The following LRRC10 variants were observed in gnomAD, a reference collection of about 807,000 sequenced individuals.
LRRC10 encodes leucine rich repeat containing 10.
A neutral mutation model predicts 11.1 loss-of-function variants in LRRC10; 6 were observed. The observed-to-expected ratio is 0.54, with a 90% confidence interval of 0.30 to 1.07. LRRC10 has a LOEUF of 1.07. Ranked by LOEUF, LRRC10 falls within the 50% of genes least tolerant of loss-of-function variation. LRRC10 has a pLI of 0.07. For synonymous variants in LRRC10, 145 were observed against 153.6 expected (o/e 0.94, Z 0.41); for missense variants, 320 against 355.5 (o/e 0.90, Z 0.80).
At position 69,610,068 on chromosome 12, in the gene LRRC10, C is replaced by A. The variant is rs1414167997; in HGVS notation, c.771G>T (p.Leu257Phe). ...PDPRKARRYA[L>F]VREESQELQA... ...GTAGCTCCTGGCTTTCCTCTCTGAC[C>A]AACGCATAGCGCCTGGCTTTTCTAG... The change falls in exon 1 of 1, where the codon TTG becomes TTT. Residue 257 changes from leucine to phenylalanine, a missense_variant. Coordinates refer to ENST00000361484, the MANE Select transcript of LRRC10 (RefSeq NM_201550.4). The A allele has an allele frequency of 1.2e-6, 2 of 1,614,210 alleles. No individual in the cohort carries two copies. The highest frequency in any genetic ancestry group is 1.7e-6 in the Non-Finnish European group (2 of 1,180,048).
In LRRC10 at chr12:69,609,933, T is replaced by A; in HGVS notation, c.*72A>T. On this transcript the variant is annotated 3_prime_UTR_variant, in exon 1 of 1. Transcript: ENST00000361484. ...TCCCAAATGACCCAGAGCCATCCTT[T>A]CCACTCCAATGGAGAGGCTTCCAGA... The A allele has an allele frequency of 6.9e-7, 1 of 1,457,336 alleles. No homozygotes were observed. Among genetic ancestry groups the A allele is most frequent in the Non-Finnish European group, 9.4e-7 (1 of 1,062,850 alleles). 90.3% of individuals were successfully genotyped at this position (1,457,336 alleles called of 1,614,324 possible).
In LRRC10 at chr12:69,609,414, G is replaced by A. The variant is rs1456714755; in HGVS notation, c.*591C>T. ...GTCCACCAAGAAGTATTGTCCATCA[G>A]GGATCTTTTCAGCAGGCACTAAACT... On this transcript the variant is annotated 3_prime_UTR_variant, in exon 1 of 1. Transcript: ENST00000361484. The A allele has an allele frequency of 1.3e-5, 2 of 152,542 alleles. No individual in the cohort carries two copies. The highest frequency in any genetic ancestry group is 1.3e-4 in the Admixed American group (2 of 15,332). The allele number at this position is 152,542 out of a possible 1,614,324, so 9.4% of individuals were successfully genotyped here. A position where few individuals can be genotyped will look rare whatever the true frequency, so the allele number is the denominator to read the frequency against.
rs1162588162 is a variant in LRRC10 at position 69,610,842 on chromosome 12, G to A, written c.-4C>T. On this transcript the variant is annotated 5_prime_UTR_variant, in exon 1 of 1. Transcript: ENST00000361484. ...GGGCCCTGATGGTGTTCCCCATGCG[G>A]AGGCTGGGGGCATGGCGAGCCCCAG... 1.3e-6 allele frequency: 2 copies of A among 1,581,676 alleles called. No individual in the cohort carries two copies. Among genetic ancestry groups the A allele is most frequent in the Non-Finnish European group, 1.7e-6 (2 of 1,162,778 alleles).
Position 69,610,090 on chromosome 12 carries a change from C to G in LRRC10, c.749G>C (p.Arg250Thr). The change falls in exon 1 of 1, where the codon AGA (arginine) becomes ACA (threonine). Residue 250 changes from arginine (R) to threonine (T), a missense_variant. Transcript: ENST00000361484. Reference protein sequence around the residue: ...WAEETPEPDPRKARRYALVRE... With the variant: ...WAEETPEPDPTKARRYALVRE... ...GACCAACGCATAGCGCCTGGCTTTT[C>G]TAGGGTCGGGCTCTGGCGTCTCCTC... 6.2e-7 allele frequency: 1 copy of G among 1,614,242 alleles called. No individual in the cohort carries two copies. The highest frequency in any genetic ancestry group is 8.5e-7 in the Non-Finnish European group (1 of 1,180,038).
Position 69,610,291 on chromosome 12 carries a change from G to A in LRRC10, c.548C>T (p.Pro183Leu). The A allele has an allele frequency of 3.1e-6, 5 of 1,613,112 alleles. No homozygotes were observed. The highest frequency in any genetic ancestry group is 4.2e-6 in the Non-Finnish European group (5 of 1,179,144). ...WLSGNRLTDF[P>L]TVLLHMPFLE... ...GAAGGGCATGTGAAGCAGCACAGTGGGAAAGTCAGTTAGCCGGTTGCCCGA... is the reference window on the plus strand; with the variant it reads ...GAAGGGCATGTGAAGCAGCACAGTGAGAAAGTCAGTTAGCCGGTTGCCCGA... The change falls in exon 1 of 1, where the codon CCC becomes CTC. Residue 183 changes from proline to leucine, a missense_variant. Coordinates refer to ENST00000361484, the MANE Select transcript of LRRC10 (RefSeq NM_201550.4).
Position 69,610,212 on chromosome 12 carries a change from C to A in LRRC10, c.627G>T (p.Ala209=). 2 of 1,614,232 alleles carry A rather than the reference C, an allele frequency of 1.2e-6. No individual in the cohort carries two copies. Among genetic ancestry groups the A allele is most frequent in the South Asian group, 1.1e-5 (1 of 91,088 alleles). The change falls in exon 1 of 1, where the codon GCG becomes GCT. Residue 209 remains alanine, a synonymous_variant. Coordinates refer to ENST00000361484, the MANE Select transcript of LRRC10 (RefSeq NM_201550.4). ...WNSIRYFPSL[A]HLSSLKLVIY... ...TGACCAGCTTCAGACTTGACAGGTGCGCCAGGCTGGGGAAGTAACGGATGC... is the reference window on the plus strand; with the variant it reads ...TGACCAGCTTCAGACTTGACAGGTGAGCCAGGCTGGGGAAGTAACGGATGC...
In LRRC10 at chr12:69,608,573, A is replaced by G. The variant is rs1040948747; in HGVS notation, c.*1432T>C. ...TACCCACTGACAACAATTTCTTTAAAGTTTATATATTTGTGGGAAGGTCAC... is the reference window on the plus strand; with the variant it reads ...TACCCACTGACAACAATTTCTTTAAGGTTTATATATTTGTGGGAAGGTCAC... On this transcript the variant is annotated 3_prime_UTR_variant, in exon 1 of 1. Coordinates refer to ENST00000361484, the MANE Select transcript of LRRC10 (RefSeq NM_201550.4). 1 of 152,264 alleles carries G rather than the reference A, an allele frequency of 6.6e-6. No individual in the cohort carries two copies. Among genetic ancestry groups the G allele is most frequent in the Non-Finnish European group, 1.5e-5 (1 of 68,048 alleles). 9.4% of individuals were successfully genotyped at this position (152,264 alleles called of 1,614,324 possible). A position where few individuals can be genotyped will look rare whatever the true frequency, so the allele number is the denominator to read the frequency against.
Position 69,610,481 on chromosome 12 carries a change from G to A in LRRC10, c.358C>T (p.Leu120Phe). The A allele has an allele frequency of 6.2e-7, 1 of 1,614,208 alleles. No individual in the cohort carries two copies. The highest frequency in any genetic ancestry group is 1.1e-5 in the South Asian group (1 of 91,084). ...LCDLPSELSL[L>F]QNLRTLWIEA... The stretch of plus-strand genomic sequence containing the variant: ...ATCCACAGGGTCCTGAGGTTCTGGA[G>A]CAGGCTCAGCTCACTGGGGAGGTCG... Residue 120 changes from leucine (L) to phenylalanine (F), a missense_variant, in exon 1 of 1, where the codon CTC becomes TTC. Leu to Phe is a conservative substitution (Grantham distance 22, BLOSUM62 0). Transcript: ENST00000361484.
chr12:69,610,231 C>G lies in LRRC10; in HGVS notation c.608G>C (p.Arg203Pro), dbSNP rs766586554. 1 of 1,614,204 alleles carries G rather than the reference C, an allele frequency of 6.2e-7. No homozygotes were observed. The highest frequency in any genetic ancestry group is 8.5e-7 in the Non-Finnish European group (1 of 1,180,044). The change falls in exon 1 of 1, where the codon CGT becomes CCT. Residue 203 changes from arginine to proline, a missense_variant. By Grantham distance (103) the Arg-to-Pro change is moderately radical (BLOSUM62 -2). Coordinates refer to ENST00000361484, the MANE Select transcript of LRRC10 (RefSeq NM_201550.4). ...CAGGTGCGCCAGGCTGGGGAAGTAA[C>G]GGATGCTGTTCCAGTCCACATCAAT... ...EVIDVDWNSI[R>P]YFPSLAHLSS...
rs1377003725 is a variant in LRRC10, at chr12:69,609,956, A to G, written c.*49T>C. 6.4e-7 allele frequency: 1 copy of G among 1,567,706 alleles called. No homozygotes were observed. Among genetic ancestry groups the G allele is most frequent in the East Asian group, 2.2e-5 (1 of 44,560 alleles). On this transcript the variant is annotated 3_prime_UTR_variant, in exon 1 of 1. Coordinates refer to ENST00000361484, the MANE Select transcript of LRRC10 (RefSeq NM_201550.4). ...TTTCCACTCCAATGGAGAGGCTTCCAGAACATGCTGCAGTTGGGTCCTTGG... is the reference window on the plus strand; with the variant it reads ...TTTCCACTCCAATGGAGAGGCTTCCGGAACATGCTGCAGTTGGGTCCTTGG...
In LRRC10 at chr12:69,609,868, C is replaced by T. The variant is rs779415816; in HGVS notation, c.*137G>A. On this transcript the variant is annotated 3_prime_UTR_variant, in exon 1 of 1. Coordinates refer to ENST00000361484, the MANE Select transcript of LRRC10 (RefSeq NM_201550.4). ...TTTTCTCAGTGTGATTTATGGCATT[C>T]CACCTGGCTCTCTCCATCAGTCTCT... The T allele has an allele frequency of 5.1e-5, 38 of 741,422 alleles. No individual in the cohort carries two copies. The highest frequency in any genetic ancestry group is 7.4e-5 in the Non-Finnish European group (34 of 457,386). The allele number at this position is 741,422 out of a possible 1,614,324, so 45.9% of individuals were successfully genotyped here.
At position 69,610,105 on chromosome 12, in the gene LRRC10, G is replaced by C. The variant is rs1300640968; in HGVS notation, c.734C>G (p.Pro245Arg). The C allele has an allele frequency of 6.2e-7, 1 of 1,614,096 alleles. No homozygotes were observed. Among genetic ancestry groups the C allele is most frequent in the East Asian group, 2.2e-5 (1 of 44,900 alleles). The change falls in exon 1 of 1, where the codon CCA becomes CGA. Residue 245 changes from proline (P) to arginine (R), a missense_variant. Transcript: ENST00000361484. ...CCTGGCTTTTCTAGGGTCGGGCTCT[G>C]GCGTCTCCTCTGCCCATCTCCCCAC... ...RRVGRWAEETPEPDPRKARRY... is the reference protein window; with the variant it reads ...RRVGRWAEETREPDPRKARRY...
rs1882316059 is a variant in LRRC10, at chr12:69,608,895, A to G, written c.*1110T>C. ...TGAATAAACAGAAGGGCTTTGCTTC[A>G]GGGAGGTAGACAGGAATCACAACAA... On this transcript the variant is annotated 3_prime_UTR_variant, in exon 1 of 1. Coordinates refer to ENST00000361484, the MANE Select transcript of LRRC10 (RefSeq NM_201550.4). 1 of 152,266 alleles carries G rather than the reference A, an allele frequency of 6.6e-6. No individual in the cohort carries two copies. Among genetic ancestry groups the G allele is most frequent in the Non-Finnish European group, 1.5e-5 (1 of 68,050 alleles). The allele number at this position is 152,266 out of a possible 1,614,324, so 9.4% of individuals were successfully genotyped here.
Position 69,610,878 on chromosome 12 carries a change from C to T in LRRC10, c.-40G>A, listed in dbSNP as rs1436152219. The T allele has an allele frequency of 3.4e-6, 5 of 1,482,596 alleles. No homozygotes were observed. The highest frequency in any genetic ancestry group is 2.8e-5 in the African/African-American group (2 of 71,980). The allele number at this position is 1,482,596 out of a possible 1,614,324, so 91.8% of individuals were successfully genotyped here. On this transcript the variant is annotated 5_prime_UTR_variant, in exon 1 of 1. Coordinates refer to ENST00000361484, the MANE Select transcript of LRRC10 (RefSeq NM_201550.4). Reference sequence around the variant, plus strand: ...CATGGCGAGCCCCAGAGGACAGACTCACTGAGCGGGGCTGGCTCAGCTGAC... The same window carrying T: ...CATGGCGAGCCCCAGAGGACAGACTTACTGAGCGGGGCTGGCTCAGCTGAC...
rs373847240 is a variant in LRRC10 at position 69,610,097 on chromosome 12, C to T, written c.742G>A (p.Asp248Asn). The T allele has an allele frequency of 3.4e-5, 55 of 1,614,208 alleles. No individual in the cohort carries two copies. The highest frequency in any genetic ancestry group is 1.4e-4 in the South Asian group (13 of 91,074). ...GRWAEETPEP[D>N]PRKARRYALV... Reference sequence around the variant, plus strand: ...GCATAGCGCCTGGCTTTTCTAGGGTCGGGCTCTGGCGTCTCCTCTGCCCAT... The same window carrying T: ...GCATAGCGCCTGGCTTTTCTAGGGTTGGGCTCTGGCGTCTCCTCTGCCCAT... Residue 248 changes from aspartate (D) to asparagine (N), a missense_variant, in exon 1 of 1, where the codon GAC becomes AAC. Transcript: ENST00000361484.
rs1011205055 is a variant in LRRC10, at chr12:69,609,123, C to T, written c.*882G>A. ...GTGGCTCATGCCTGTAACCCCAGCA[C>T]TTTGGGAGGCTGAAGCAGGAGCATC... is the stretch of plus-strand genomic sequence containing the variant. On this transcript the variant is annotated 3_prime_UTR_variant, in exon 1 of 1. Transcript: ENST00000361484. The T allele has an allele frequency of 1.3e-5, 2 of 152,496 alleles. No individual in the cohort carries two copies. Among genetic ancestry groups the T allele is most frequent in the Non-Finnish European group, 2.9e-5 (2 of 68,150 alleles). The allele number at this position is 152,496 out of a possible 1,614,324, so 9.4% of individuals were successfully genotyped here. A position where few individuals can be genotyped will look rare whatever the true frequency, so the allele number is the denominator to read the frequency against.
In LRRC10 at chr12:69,610,696, A is replaced by C. The variant is rs1267413776; in HGVS notation, c.143T>G (p.Val48Gly). The change falls in exon 1 of 1, where the codon GTG becomes GGG. Residue 48 changes from valine (V) to glycine (G), a missense_variant. Physicochemically the swap from Val to Gly is moderately radical, Grantham distance 109. Coordinates refer to ENST00000361484, the MANE Select transcript of LRRC10 (RefSeq NM_201550.4). ...CTTGACCAGCTCCCTGAAGGAGCAC[A>C]CGTGCAGGGGGAAGCGGCGTAACTG... is the stretch of plus-strand genomic sequence containing the variant. ...GSQLRRFPLHVCSFRELVKLY... is the reference protein window; with the variant it reads ...GSQLRRFPLHGCSFRELVKLY... The C allele has an allele frequency of 1.9e-6, 3 of 1,614,022 alleles. No individual in the cohort carries two copies. The highest frequency in any genetic ancestry group is 2.5e-6 in the Non-Finnish European group (3 of 1,180,028).
rs1164726774 is a variant in LRRC10 at position 69,610,565 on chromosome 12, G to T, written c.274C>A (p.Gln92Lys). Residue 92 changes from glutamine to lysine, a missense_variant, in exon 1 of 1, where the codon CAG (glutamine) becomes AAG (lysine). Transcript: ENST00000361484. ...LDFNNFKALP[Q>K]VVCTLKQLCI... Reference sequence around the variant, plus strand: ...AGCTGTTTCAAGGTGCACACCACCTGGGGCAGAGCCTTGAAGTTGTTGAAA... The same window carrying T: ...AGCTGTTTCAAGGTGCACACCACCTTGGGCAGAGCCTTGAAGTTGTTGAAA... 4 of 1,614,000 alleles carry T rather than the reference G, an allele frequency of 2.5e-6. No homozygotes were observed. The highest frequency in any genetic ancestry group is 3.4e-6 in the Non-Finnish European group (4 of 1,180,040).
Position 69,610,493 on chromosome 12 carries a change from C to G in LRRC10, c.346G>C (p.Glu116Gln). 1 of 1,614,154 alleles carries G rather than the reference C, an allele frequency of 6.2e-7. No homozygotes were observed. Among genetic ancestry groups the G allele is most frequent in the Non-Finnish European group, 8.5e-7 (1 of 1,180,038 alleles). Reference protein sequence around the residue: ...GNNKLCDLPSELSLLQNLRTL... With the variant: ...GNNKLCDLPSQLSLLQNLRTL... ...CTGAGGTTCTGGAGCAGGCTCAGCT[C>G]ACTGGGGAGGTCGCAGAGTTTGTTG... Residue 116 changes from glutamate to glutamine, a missense_variant, in exon 1 of 1, where the codon GAG becomes CAG. By Grantham distance (29) the Glu-to-Gln change is conservative. Transcript: ENST00000361484.
Sources: gnomAD v4.1 joint callset for allele counts on GRCh38, gnomAD v4.1.1 for gene constraint, MANE v1.5 for transcripts, NCBI Gene and HGNC (gene_info 2026-07-23, HGNC 2026-07-21) for gene names.